PRDM16: variants seen among roughly 807,000 people sequenced by gnomAD.
The protein encoded by PRDM16 is histone-lysine N-methyltransferase PRDM16.
Under a neutral mutation model 110.6 loss-of-function variants are expected in PRDM16, and 23 were observed. The observed-to-expected ratio is 0.21, with a 90% CI of 0.15 to 0.29. PRDM16 has a LOEUF of 0.29. Among genes scored for constraint, PRDM16 ranks in the 10% least tolerant of loss-of-function variants. PRDM16 has a pLI of 1.00. For synonymous variants in PRDM16, 799 were observed against 781.8 expected (o/e 1.02, Z -0.37); for missense variants, 1,615 against 1,794.3 (o/e 0.90, Z 1.81).
At chr1:3,163,763 A>T (rs1162321744) in intron 1 of PRDM16, among the ~76,000 whole-genome samples, 1 of 152,118 alleles carries the variant, frequency 6.6e-6, no homozygotes, top group East Asian at 1.9e-4. Flanking sequence ...TGCATGTCAT[A>T]TTCTACCCCG....
intron 3 of PRDM16, among the ~76,000 whole-genome samples, chr1:3,332,216 A>G (rs1281410875): frequency 6.6e-6 from 1 of 152,276 alleles, no homozygotes; most frequent in Admixed American, 6.5e-5. Flanking sequence ...TGCACTGGGA[A>G]GTGGTAATGA....
chr1:3,305,297 G>T (rs531582177), intron 3 of PRDM16, among the ~76,000 whole-genome samples: 3 of 152,230 alleles, frequency 2.0e-5, no homozygotes, highest in Non-Finnish European at 4.4e-5. Flanking sequence ...AACCACACGT[G>T]CAGAGTCCGG....
intron 2 of PRDM16, among the ~76,000 whole-genome samples, chr1:3,200,237 C>T (rs1201019559): frequency 2.6e-5 from 4 of 152,344 alleles, no homozygotes; most frequent in Admixed American, 6.5e-5. Context: ...GCCTGCCGGC[C>T]GAGGCTGCCC....
Position 3,274,423 on chromosome 1 carries a change from A to T in PRDM16, c.438+30286A>T, listed in dbSNP as rs566780453. 1.9e-3 allele frequency among the ~76,000 whole-genome samples: 295 copies of T among 152,306 alleles called. 1 individual carries two copies. Among genetic ancestry groups the T allele is most frequent in the African/African-American group, 6.7e-3 (280 of 41,550 alleles). Reference sequence around the variant, plus strand: ...AATGAAAGGTCTCTGCTTGAATTAAACCCTGAAGGTTTATGCAGATTTTGC... The same window carrying T: ...AATGAAAGGTCTCTGCTTGAATTAATCCCTGAAGGTTTATGCAGATTTTGC... On this transcript the variant is annotated intron_variant, in intron 3 of 16. Transcript: ENST00000270722.
intron 3 of PRDM16, among the ~76,000 whole-genome samples, chr1:3,294,272 G>A (rs186641110): frequency 5.1e-4 from 77 of 152,296 alleles, no homozygotes; most frequent in Non-Finnish European, 9.7e-4. Context: ...AGGAATTGCT[G>A]TGGAGTGGGG....
Position 3,426,150 on chromosome 1 carries a change from ACT to A in PRDM16, c.3212_3213del (p.Ser1071LeufsTer12). On this transcript the variant is annotated frameshift_variant, in exon 14 of 17. Coordinates refer to ENST00000270722, the MANE Select transcript of PRDM16 (RefSeq NM_022114.4). LOFTEE classifies it high-confidence loss of function. ...CACGCACTTTTAGACGAGAAAGAAG[ACT>A]CTTATTTCTCGGAAATCAGAAACTT... The A allele has an allele frequency of 6.2e-7, 1 of 1,613,668 alleles. No individual in the cohort carries two copies.
intron 2 of PRDM16, among the ~76,000 whole-genome samples, chr1:3,223,014 G>A (rs1639207698): frequency 6.6e-6 from 1 of 151,890 alleles, no homozygotes; most frequent in African/African-American, 2.4e-5. Flanking sequence ...GCGTGCGTGG[G>A]GTAGCATCTG....
intron 9 of PRDM16, among the ~76,000 whole-genome samples, chr1:3,413,599 G>C (rs1157630338): frequency 6.6e-6 from 1 of 152,180 alleles, no homozygotes; most frequent in Non-Finnish European, 1.5e-5. Context: ...ACAGGCAGGA[G>C]ACCCTGAGCA....
At chr1:3,337,117 C>G (rs1410590355) in intron 3 of PRDM16, among the ~76,000 whole-genome samples, 1 of 143,646 alleles carries the variant, frequency 7.0e-6, no homozygotes, top group Non-Finnish European at 1.5e-5. Context: ...GTGTGAGCCT[C>G]TGTGTGAATG....
chr1:3,364,300 G>A (rs370352561), intron 3 of PRDM16, among the ~76,000 whole-genome samples: 2 of 152,292 alleles, frequency 1.3e-5, no homozygotes, highest in East Asian at 1.9e-4. Flanking sequence ...GTGGTTTATC[G>A]GTTCTTCAGG....
chr1:3,334,861 A>G (rs1219953850), intron 3 of PRDM16, among the ~76,000 whole-genome samples: 1 of 152,224 alleles, frequency 6.6e-6, no homozygotes, highest in Non-Finnish European at 1.5e-5. Context: ...AATCCACTTT[A>G]TAGATGAGGA....
rs367931456 is a variant in PRDM16 at position 3,181,994 on chromosome 1, C to A, written c.38-4131C>A. Reference sequence around the variant, plus strand: ...ACATGCAGTCACATGCTTACACATGCAGTCACATGCTTACACACACTGTCT... The same window carrying A: ...ACATGCAGTCACATGCTTACACATGAAGTCACATGCTTACACACACTGTCT... On this transcript the variant is annotated intron_variant, in intron 1 of 16. Transcript: ENST00000270722. 4.6e-5 allele frequency among the ~76,000 whole-genome samples: 7 copies of A among 152,322 alleles called. No homozygotes were observed. The East Asian group carries it at 5.8e-4, about 13-fold the overall frequency.
chr1:3,414,291 G>A (rs949895623), intron 9 of PRDM16, among the ~76,000 whole-genome samples: 12 of 152,202 alleles, frequency 7.9e-5, no homozygotes, highest in African/African-American at 2.9e-4. Flanking sequence ...GGAGGCATGG[G>A]AGGTGTGAGG....
At chr1:3,349,103 G>A (rs1642424135) in intron 3 of PRDM16, among the ~76,000 whole-genome samples, 1 of 152,236 alleles carries the variant, frequency 6.6e-6, no homozygotes, top group Non-Finnish European at 1.5e-5. Flanking sequence ...AATTTGAAAA[G>A]CCAGGAGTCA....
chr1:3,088,928 A>C lies in PRDM16; in HGVS notation c.37+19632A>C, dbSNP rs181546371. On this transcript the variant is annotated intron_variant, in intron 1 of 16. Coordinates refer to ENST00000270722, the MANE Select transcript of PRDM16 (RefSeq NM_022114.4). The stretch of plus-strand genomic sequence containing the variant: ...CTCCTGAGTAGCTGGGGTTACAGGC[A>C]CATGCCACCGCGCCCAGCTAATTTT... Among the ~76,000 whole-genome samples the C allele has an allele frequency of 4.5e-4, 68 of 152,156 alleles. 2 individuals carry two copies. Among genetic ancestry groups the C allele is most frequent in the African/African-American group, 1.5e-3 (64 of 41,522 alleles).
intron 3 of PRDM16, among the ~76,000 whole-genome samples, chr1:3,337,159 G>A (rs1323040557): frequency 7.0e-6 from 1 of 143,074 alleles, no homozygotes; most frequent in African/African-American, 2.5e-5. Flanking sequence ...GTGTGAATCT[G>A]TGTACATCTG....
chr1:3,110,034 G>A (rs1223684719), intron 1 of PRDM16, among the ~76,000 whole-genome samples: 1 of 150,416 alleles, frequency 6.6e-6, no homozygotes, highest in Non-Finnish European at 1.5e-5. Context: ...GCTCCCCCAT[G>A]TCCTGGGTAT....
At chr1:3,178,552 C>T (rs1182974927) in intron 1 of PRDM16, among the ~76,000 whole-genome samples, 1 of 152,206 alleles carries the variant, frequency 6.6e-6, no homozygotes, top group Non-Finnish European at 1.5e-5. Flanking sequence ...GTGTACTTAA[C>T]TTGAAAAACC....
chr1:3,396,051 A>G (rs1321312162), intron 4 of PRDM16, among the ~76,000 whole-genome samples: 2 of 152,164 alleles, frequency 1.3e-5, no homozygotes, highest in African/African-American at 2.4e-5. Flanking sequence ...GCTCATGGCC[A>G]CTTTCAGAAA....
Sources: allele counts gnomAD v4.1 joint callset (sites outside exome capture counted in the v4.1 genomes callset), GRCh38; gene constraint gnomAD v4.1.1; transcripts MANE v1.5; gene names NCBI Gene and HGNC (gene_info 2026-07-23, HGNC 2026-07-21).